LMNA: variants seen among roughly 807,000 people sequenced by gnomAD.
LMNA encodes the protein lamin.
LMNA carries 20 observed loss-of-function variants against 70.4 expected under a neutral mutation model. The ratio of observed to expected loss-of-function variants is 0.28; its 90% CI spans 0.20 to 0.41. LMNA has a LOEUF of 0.41. LMNA is among the 10% of genes least tolerant of loss of function. LMNA has a pLI of 1.00. For missense variants in LMNA, 652 were observed against 917.2 expected, an observed-to-expected ratio of 0.71 and a Z score of 3.73; for synonymous variants, 339 against 372.8, an observed-to-expected ratio of 0.91 and a Z score of 1.04.
intron 1 of LMNA, among the ~76,000 whole-genome samples, chr1:156,122,526 G>A (rs1650260643): frequency 6.6e-6 from 1 of 152,236 alleles, no homozygotes; most frequent in Non-Finnish European, 1.5e-5. Flanking sequence ...AAGTTTGTTA[G>A]AAATGGTTAA....
At chr1:156,102,043 GCCACTCAC>G (rs763873516) in intron 3 of LMNA, among the ~76,000 whole-genome samples, 13 of 152,224 alleles carry the variant, frequency 8.5e-5, no homozygotes, top group Non-Finnish European at 1.6e-4. Flanking sequence ...AGAGTGGAAG[GCCACTCAC>G]CCTTGGCCCA....
chr1:156,138,381 AC>A lies in LMNA; in HGVS notation c.1699-105del. 7.5e-7 allele frequency: 1 copy of A among 1,325,666 alleles called. No individual in the cohort carries two copies. The highest frequency in any genetic ancestry group is 1.0e-6 in the Non-Finnish European group (1 of 961,656). 82.1% of individuals were successfully genotyped at this position (1,325,666 alleles called of 1,614,324 possible). A position where few individuals can be genotyped will look rare whatever the true frequency, so the allele number is the denominator to read the frequency against. On this transcript the variant is annotated intron_variant, in intron 10 of 11. Transcript: ENST00000368300. This position sits in a 1 kb window ranked among gnomAD's most constrained non-coding sequence, Gnocchi z 5.5. ...GCTGGCTCCTTGGGCACAGAACCAC[AC>A]CTTCCTGCCTGGCGGCTGGGAGCCT...
Position 156,136,494 on chromosome 1 carries a change from A to C in LMNA, c.1380+58A>C. 1 of 1,485,388 alleles carries C rather than the reference A, an allele frequency of 6.7e-7. No homozygotes were observed. 92.0% of individuals were successfully genotyped at this position (1,485,388 alleles called of 1,614,324 possible). ...GCTGCATCAGGGAGAGAGTGGCAAGACAGAAGGATGGCATGTGGAGAGAGG... is the reference window on the plus strand; with the variant it reads ...GCTGCATCAGGGAGAGAGTGGCAAGCCAGAAGGATGGCATGTGGAGAGAGG... On this transcript the variant is annotated intron_variant, in intron 7 of 11. Coordinates refer to ENST00000368300, the MANE Select transcript of LMNA (RefSeq NM_170707.4). This position sits in a 1 kb window ranked among gnomAD's most constrained non-coding sequence, Gnocchi z 6.1.
rs188839570 is a variant in LMNA at position 156,136,776 on chromosome 1, C to T, written c.1381-145C>T. 5.2e-4 allele frequency: 386 copies of T among 746,282 alleles called. 5 individuals are homozygous for T. The East Asian group carries it at 9.2e-3, about 18-fold the overall frequency. The allele number at this position is 746,282 out of a possible 1,614,324, so 46.2% of individuals were successfully genotyped here. On this transcript the variant is annotated intron_variant, in intron 7 of 11. Transcript: ENST00000368300. This position sits in a 1 kb window ranked among gnomAD's most constrained non-coding sequence, Gnocchi z 6.1. ...GTCCACAGATCATGGCTATTATCCC[C>T]GGGGGAAGGGCAGTGACAGGGGTGT...
upstream of LMNA, among the ~76,000 whole-genome samples, chr1:156,111,743 T>C (rs1428533976): frequency 6.6e-6 from 1 of 152,236 alleles, no homozygotes; most frequent in African/African-American, 2.4e-5. Flanking sequence ...ATAGCCACTC[T>C]ACCCATACTA....
rs3754291 is a variant in LMNA, at chr1:156,118,592, G to A, written c.356+3318G>A. Among the ~76,000 whole-genome samples the A allele has an allele frequency of 2.4e-3, 360 of 152,316 alleles. 16 individuals are homozygous for A. In the East Asian group the frequency reaches 0.056, roughly 24 times the overall value. On this transcript the variant is annotated intron_variant, in intron 1 of 11. Coordinates refer to ENST00000368300, the MANE Select transcript of LMNA (RefSeq NM_170707.4). ...AGACAAAGGGGACTCAGACTGGGGT[G>A]TCTGTCCTCTTCTATGCCCACAGTA... is the stretch of plus-strand genomic sequence containing the variant.
chr1:156,130,867 G>A, intron 2 of LMNA, 94 bp downstream of exon 2: 1 of 1,235,166 alleles, frequency 8.1e-7, no homozygotes, highest in Non-Finnish European at 1.1e-6. Flanking sequence ...TGCCTGGTCT[G>A]ACCTGTCACC....
At chr1:156,091,647 C>T (rs1354069197) in intron 3 of LMNA, among the ~76,000 whole-genome samples, 2 of 152,052 alleles carry the variant, frequency 1.3e-5, no homozygotes, top group Non-Finnish European at 2.9e-5. Flanking sequence ...CAATAAATAT[C>T]TATCAAATAC....
rs889154191 is a variant in LMNA at position 156,106,192 on chromosome 1, G to A, written c.-206-8521G>A. Among the ~76,000 whole-genome samples the A allele has an allele frequency of 5.9e-5, 9 of 152,108 alleles. 1 individual carries two copies. The South Asian group carries it at 1.9e-3, about 32-fold the overall frequency. On this transcript the variant is annotated intron_variant, in intron 3 of 12. Transcript: ENST00000368301. ...ACTCCTCAGTCCCCGGCAAACCCAGGGCAATTGCCCACCCTAGTTTCAGGC... is the reference window on the plus strand; with the variant it reads ...ACTCCTCAGTCCCCGGCAAACCCAGAGCAATTGCCCACCCTAGTTTCAGGC...
chr1:156,135,033 C>G lies in LMNA; in HGVS notation c.810+58C>G. On this transcript the variant is annotated intron_variant, in intron 4 of 11. Transcript: ENST00000368300. The surrounding 1 kb of genome is among the most constrained non-coding windows in gnomAD (Gnocchi z 4.8). ...CTGCCCTTGGCAGCCCTACCCTTACCCACGCTGGGCTATGCCTTCTGGGGA... is the reference window on the plus strand; with the variant it reads ...CTGCCCTTGGCAGCCCTACCCTTACGCACGCTGGGCTATGCCTTCTGGGGA... 6.2e-7 allele frequency: 1 copy of G among 1,611,990 alleles called. No homozygotes were observed. The highest frequency in any genetic ancestry group is 8.5e-7 in the Non-Finnish European group (1 of 1,178,444).
chr1:156,085,840 G>A (rs937666222), intron 2 of LMNA, among the ~76,000 whole-genome samples: 6 of 152,182 alleles, frequency 3.9e-5, no homozygotes, highest in Non-Finnish European at 7.3e-5. Flanking sequence ...TGAATCACTT[G>A]AGGCCACGAG....
rs1230770549 is a variant in LMNA, at chr1:156,137,057, G to A, written c.1488+29G>A. 9 of 1,614,078 alleles carry A rather than the reference G, an allele frequency of 5.6e-6. No individual in the cohort carries two copies. The highest frequency in any genetic ancestry group is 2.7e-5 in the African/African-American group (2 of 74,934). The stretch of plus-strand genomic sequence containing the variant: ...AGTGGCAGGGCGCTTGGGACTCTGG[G>A]GAGGCCTTGGGTGGCGATGGGAGCG... On this transcript the variant is annotated intron_variant, in intron 8 of 11. Transcript: ENST00000368300. The surrounding 1 kb of genome is among the most constrained non-coding windows in gnomAD (Gnocchi z 4.6).
In LMNA at chr1:156,136,816, A is replaced by C; in HGVS notation, c.1381-105A>C. 1 of 886,776 alleles carries C rather than the reference A, an allele frequency of 1.1e-6. No homozygotes were observed. The highest frequency in any genetic ancestry group is 1.8e-6 in the Non-Finnish European group (1 of 548,298). The allele number at this position is 886,776 out of a possible 1,614,324, so 54.9% of individuals were successfully genotyped here. A position where few individuals can be genotyped will look rare whatever the true frequency, so the allele number is the denominator to read the frequency against. ...GACAGGGGTGTGTGTAGATGGAAGG[A>C]GAGGCCTCAATTGCAGGCAGGCAGA... On this transcript the variant is annotated intron_variant, in intron 7 of 11. Coordinates refer to ENST00000368300, the MANE Select transcript of LMNA (RefSeq NM_170707.4). The surrounding 1 kb of genome is among the most constrained non-coding windows in gnomAD (Gnocchi z 6.1).
In LMNA at chr1:156,137,586, T is replaced by TG; in HGVS notation, c.1609-64dup. Reference sequence around the variant, plus strand: ...CACAAGAAAAGTTGCAGGTGGTCACTGGGGTAGACATGCTGTACAACCCTT... The same window carrying TG: ...CACAAGAAAAGTTGCAGGTGGTCACTGGGGGTAGACATGCTGTACAACCCTT... On this transcript the variant is annotated intron_variant, in intron 9 of 11. Coordinates refer to ENST00000368300, the MANE Select transcript of LMNA (RefSeq NM_170707.4). The surrounding 1 kb of genome is among the most constrained non-coding windows in gnomAD (Gnocchi z 4.6). 1 of 1,402,726 alleles carries TG rather than the reference T, an allele frequency of 7.1e-7. No homozygotes were observed. The highest frequency in any genetic ancestry group is 1.2e-5 in the South Asian group (1 of 81,028). 86.9% of individuals were successfully genotyped at this position (1,402,726 alleles called of 1,614,324 possible). A position where few individuals can be genotyped will look rare whatever the true frequency, so the allele number is the denominator to read the frequency against.
chr1:156,116,049 G>T (rs971280833), intron 1 of LMNA, among the ~76,000 whole-genome samples: 7 of 152,344 alleles, frequency 4.6e-5, no homozygotes, highest in African/African-American at 1.7e-4. Context: ...AGGGAGGGAG[G>T]CAGAGGGCAG....
At chr1:156,132,187 TAGCC>T (rs1651132575) in intron 2 of LMNA, among the ~76,000 whole-genome samples, 1 of 148,760 alleles carries the variant, frequency 6.7e-6, no homozygotes, top group Non-Finnish European at 1.5e-5. Context: ...AAATAAAAAA[TAGCC>T]AGGCACGGTG....
chr1:156,136,899 C>A lies in LMNA; in HGVS notation c.1381-22C>A, dbSNP rs1173869751. The A allele has an allele frequency of 1.2e-6, 2 of 1,607,292 alleles. No individual in the cohort carries two copies. The highest frequency in any genetic ancestry group is 2.2e-5 in the South Asian group (2 of 90,256). On this transcript the variant is annotated intron_variant, in intron 7 of 11. Transcript: ENST00000368300. This position sits in a 1 kb window ranked among gnomAD's most constrained non-coding sequence, Gnocchi z 6.1. ...GCCTGGGTGAGCCTCCCCGACCTTC[C>A]TCTTCCCTATCTTCCCGGCAGGACC...
chr1:156,110,112 A>G (rs1218981291), upstream of LMNA, among the ~76,000 whole-genome samples: 10 of 151,998 alleles, frequency 6.6e-5, no homozygotes. Flanking sequence ...GGACTCCCCA[A>G]GTATTGGGAT....
At chr1:156,109,818 G>GTGTGTGTGTGTGTGTATA (rs1553261281), upstream of LMNA, 10 of 131,722 alleles carry the variant, frequency 7.6e-5, no homozygotes, top group African/African-American at 1.4e-4. Context: ...GTGTGTGTGT[G>GTGTGTGTGTGTGTGTATA]CATATATATA....
Sources: gnomAD v4.1 joint callset for allele counts (sites outside exome capture counted in the v4.1 genomes callset) on GRCh38, gnomAD v4.1.1 for gene constraint, Gnocchi (gnomAD v3.1) non-coding constraint, MANE v1.5 for transcripts, NCBI Gene and HGNC (gene_info 2026-07-23, HGNC 2026-07-21) for gene names.